Variants in TMEM132D observed in about 807,000 individuals in gnomAD.
TMEM132D encodes transmembrane protein 132D.
In TMEM132D, 21 loss-of-function variants were observed where a neutral mutation model predicts 62.3. That is an observed-to-expected ratio of 0.34 (90% confidence interval 0.24 to 0.49). TMEM132D has a LOEUF of 0.49. Among genes scored for constraint, TMEM132D ranks in the 20% least tolerant of loss-of-function variants. The pLI is 0.99. For missense variants in TMEM132D, 1,346 were observed against 1,402.8 expected (o/e 0.96, Z 0.65); for synonymous variants, 621 against 575.6 (o/e 1.08, Z -1.13).
In TMEM132D at chr12:129,816,275, T is replaced by C. The variant is rs545061819; in HGVS notation, c.79+86986A>G. On this transcript the variant is annotated intron_variant, in intron 1 of 8. Coordinates refer to ENST00000422113, the MANE Select transcript of TMEM132D (RefSeq NM_133448.3). ...TTGTATAAAATATTTGTATAAAAAC[T>C]TCAACATCTTCTGATTATCATTTAT... Among the ~76,000 whole-genome samples, 41 of 152,286 alleles carry C rather than the reference T, an allele frequency of 2.7e-4. No homozygotes were observed. The South Asian group carries it at 8.1e-3, about 30-fold the overall frequency.
At chr12:129,606,917 G>C (rs1751961925) in intron 2 of TMEM132D, among the ~76,000 whole-genome samples, 1 of 152,126 alleles carries the variant, frequency 6.6e-6, no homozygotes, top group Non-Finnish European at 1.5e-5. Context: ...AGTGAGAGGT[G>C]GCAGGTGCAT....
At position 129,779,407 on chromosome 12, in the gene TMEM132D, G is replaced by A. The variant is rs11060549; in HGVS notation, c.80-78709C>T. On this transcript the variant is annotated intron_variant, in intron 1 of 8. Transcript: ENST00000422113. This position sits in a 1 kb window ranked among gnomAD's most constrained non-coding sequence, Gnocchi z 4.1. ...GGGTTCAGGTGATCCTCCCACCTCAGCCTCCCAAGTAGCAGGAACTGCAGG... is the reference window on the plus strand; with the variant it reads ...GGGTTCAGGTGATCCTCCCACCTCAACCTCCCAAGTAGCAGGAACTGCAGG... Among the ~76,000 whole-genome samples, 14,818 of 152,102 alleles carry A rather than the reference G, an allele frequency of 0.097. 815 individuals carry two copies. Among genetic ancestry groups the A allele is most frequent in the African/African-American group, 0.14 (5,669 of 41,466 alleles).
intron 5 of TMEM132D, among the ~76,000 whole-genome samples, chr12:129,193,356 A>G (rs544400040): frequency 6.6e-6 from 1 of 152,164 alleles, no homozygotes; most frequent in African/African-American, 2.4e-5. Flanking sequence ...TGGTCACAGA[A>G]CTGAAAGTAA....
chr12:129,645,473 C>G (rs1879751265), intron 2 of TMEM132D, among the ~76,000 whole-genome samples: 1 of 152,146 alleles, frequency 6.6e-6, no homozygotes, highest in Non-Finnish European at 1.5e-5. Flanking sequence ...TGCCTTTTCT[C>G]TTATTGATCA....
chr12:129,721,146 T>A (rs2137244141), intron 1 of TMEM132D, among the ~76,000 whole-genome samples: 1 of 152,150 alleles, frequency 6.6e-6, no homozygotes, highest in African/African-American at 2.4e-5. Flanking sequence ...AGGGGTAGAG[T>A]TCAGGGACAT....
intron 1 of TMEM132D, among the ~76,000 whole-genome samples, chr12:129,727,472 G>T (rs189159672): frequency 5.9e-5 from 9 of 152,178 alleles, no homozygotes; most frequent in African/African-American, 1.9e-4. Context: ...CCTCTTAAAG[G>T]TCCCACCTCT....
chr12:129,738,056 G>C (rs931898384), intron 1 of TMEM132D, among the ~76,000 whole-genome samples: 3 of 152,232 alleles, frequency 2.0e-5, no homozygotes, highest in Non-Finnish European at 4.4e-5. Context: ...GCACCATATT[G>C]ATTGGCCATT....
chr12:129,186,120 C>T (rs892113275), intron 5 of TMEM132D, among the ~76,000 whole-genome samples: 10 of 152,090 alleles, frequency 6.6e-5, no homozygotes, highest in South Asian at 2.1e-4. Flanking sequence ...CTGACTGTTC[C>T]GCTGCGGGGA....
chr12:129,079,665 A>G (rs1874390445), intron 7 of TMEM132D, among the ~76,000 whole-genome samples: 1 of 152,164 alleles, frequency 6.6e-6, no homozygotes, highest in East Asian at 1.9e-4. Context: ...TCAAGACAGC[A>G]GTTTTCCCAG....
intron 1 of TMEM132D, among the ~76,000 whole-genome samples, chr12:129,732,495 T>C (rs1869282615): frequency 6.6e-6 from 1 of 152,214 alleles, no homozygotes; most frequent in South Asian, 2.1e-4. Context: ...CTTGGTGCTG[T>C]CTTCACAAGA....
At chr12:129,486,644 C>T (rs1026147653) in intron 3 of TMEM132D, among the ~76,000 whole-genome samples, 40 of 152,300 alleles carry the variant, frequency 2.6e-4, no homozygotes, top group African/African-American at 8.4e-4. Context: ...AGTCATACCA[C>T]GGATGTGAGG....
In TMEM132D at chr12:129,613,795, C is replaced by A. The variant is rs571965699; in HGVS notation, c.969-82590G>T. Among the ~76,000 whole-genome samples, 7 of 151,206 alleles carry A rather than the reference C, an allele frequency of 4.6e-5. No individual in the cohort carries two copies. The South Asian group carries it at 1.7e-3, about 36-fold the overall frequency. On this transcript the variant is annotated intron_variant, in intron 2 of 8. Coordinates refer to ENST00000422113, the MANE Select transcript of TMEM132D (RefSeq NM_133448.3). The stretch of plus-strand genomic sequence containing the variant: ...AACCAAGGTGACTGTCTCCAGAACC[C>A]AGAGGACTGTCTGCAGAACCCAGGG...
chr12:129,513,945 C>G (rs1259908599), intron 3 of TMEM132D, among the ~76,000 whole-genome samples: 1 of 151,308 alleles, frequency 6.6e-6, no homozygotes, highest in East Asian at 2.0e-4. Context: ...TTGTGCCATT[C>G]TCCTGCCTCA....
intron 5 of TMEM132D, among the ~76,000 whole-genome samples, chr12:129,100,381 C>A (rs930484168): frequency 2.6e-5 from 4 of 152,288 alleles, no homozygotes; most frequent in African/African-American, 7.2e-5. Flanking sequence ...GTGACCCCAG[C>A]AAGTTGCAGA....
At chr12:129,304,717 G>A (rs906584305) in intron 4 of TMEM132D, among the ~76,000 whole-genome samples, 1 of 131,634 alleles carries the variant, frequency 7.6e-6, no homozygotes, top group Non-Finnish European at 1.5e-5. Context: ...AGGCTGGAAT[G>A]CAGTGTCGCA....
intron 3 of TMEM132D, among the ~76,000 whole-genome samples, chr12:129,527,384 G>T (rs7303589): frequency 0.67 from 101,841 of 152,012 alleles, 34,624 homozygotes; most frequent in African/African-American, 0.78. Flanking sequence ...AAATCAGTAT[G>T]ATAATGAACA....
chr12:129,706,867 C>A (rs1003047203), intron 1 of TMEM132D, among the ~76,000 whole-genome samples: 1 of 151,714 alleles, frequency 6.6e-6, no homozygotes, highest in African/African-American at 2.4e-5. Context: ...TCAAAATAAA[C>A]CTTTCCATTA....
chr12:129,460,062 G>T (rs1037828382), intron 3 of TMEM132D, among the ~76,000 whole-genome samples: 1 of 152,226 alleles, frequency 6.6e-6, no homozygotes. Flanking sequence ...CAGCAACAAT[G>T]ACTCACTTTT....
intron 1 of TMEM132D, among the ~76,000 whole-genome samples, chr12:129,784,416 T>G (rs964041112): frequency 6.6e-6 from 1 of 152,240 alleles, no homozygotes; most frequent in Non-Finnish European, 1.5e-5. Context: ...TTTTTCAATT[T>G]TTAAAGTAAC....
Sources: allele counts gnomAD v4.1 joint callset (sites outside exome capture counted in the v4.1 genomes callset), GRCh38; gene constraint gnomAD v4.1.1; non-coding constraint Gnocchi (gnomAD v3.1); transcripts MANE v1.5; gene names NCBI Gene and HGNC (gene_info 2026-07-23, HGNC 2026-07-21).